The following VWA5A variants were observed in gnomAD, a reference collection of about 807,000 sequenced individuals.
VWA5A encodes von Willebrand factor A domain-containing protein 5A.
A neutral mutation model predicts 84.6 loss-of-function variants in VWA5A; 77 were observed. The observed-to-expected ratio is 0.91, with a 90% confidence interval of 0.76 to 1.10. The LOEUF is 1.10. Among genes scored for constraint, VWA5A ranks in the 50% least tolerant of loss-of-function variants. VWA5A has a pLI of 0.00. For missense variants in VWA5A, 973 were observed against 963.0 expected (o/e 1.01, Z -0.14); for synonymous variants, 334 against 350.1 (o/e 0.95, Z 0.51).
intron 11 of VWA5A, chr11:124,124,833 A>G (rs1464306250): frequency 2.6e-5 from 4 of 152,654 alleles, no homozygotes; most frequent in African/African-American, 9.6e-5. Context: ...TAAGTTATAC[A>G]GTATGCTTTT....
rs972400254 is a variant in VWA5A at position 124,146,010 on chromosome 11, G to T, written c.*65G>T. 2.4e-5 allele frequency: 36 copies of T among 1,498,998 alleles called. No individual in the cohort carries two copies. The highest frequency in any genetic ancestry group is 3.2e-5 in the Non-Finnish European group (35 of 1,100,016). 92.9% of individuals were successfully genotyped at this position (1,498,998 alleles called of 1,614,324 possible). On this transcript the variant is annotated 3_prime_UTR_variant, in exon 19 of 19. Transcript: ENST00000456829. ...TGTCATTTCCTCTAGTATCACTTTT[G>T]CTGTGATGATGTGTTCTTGTGTATT...
At chr11:124,119,228 T>C in intron 7 of VWA5A, 139 bp downstream of exon 7, 1 of 787,674 alleles carries the variant, frequency 1.3e-6, no homozygotes. Context: ...TTACACTATG[T>C]CATGCAAAAA....
At chr11:124,141,852 C>T (rs1860734169) in intron 16 of VWA5A, 111 bp downstream of exon 16, 18 of 1,391,338 alleles carry the variant, frequency 1.3e-5, no homozygotes, top group Middle Eastern at 4.8e-4. Context: ...GCATGTTTCT[C>T]GAAGGGACCC....
chr11:124,146,786 G>A lies in VWA5A; in HGVS notation c.*841G>A, dbSNP rs4936894. On this transcript the variant is annotated 3_prime_UTR_variant, in exon 19 of 19. Transcript: ENST00000456829. ...CGCATTAGGAAGAAAGGAGCTCCCC[G>A]TAATCGTTCCTGACCCTTGTGTCTC... 28,585 of 152,364 alleles carry A rather than the reference G, an allele frequency of 0.19. 3,265 individuals carry two copies. Among genetic ancestry groups the A allele is most frequent in the East Asian group, 0.46 (2,388 of 5,152 alleles). 9.4% of individuals were successfully genotyped at this position (152,364 alleles called of 1,614,324 possible).
intron 7 of VWA5A, among the ~76,000 whole-genome samples, chr11:124,120,124 A>G (rs961520095): frequency 6.6e-6 from 1 of 152,096 alleles, no homozygotes; most frequent in African/African-American, 2.4e-5. Context: ...TCATCTCCAA[A>G]ACTTTTTTGT....
intron 15 of VWA5A, among the ~76,000 whole-genome samples, chr11:124,138,178 G>A (rs116836906): frequency 0.024 from 3,716 of 152,250 alleles, 159 homozygotes; most frequent in African/African-American, 0.085. Context: ...GTTACATTGT[G>A]TATATATAGT....
At chr11:124,120,772 C>T (rs1236490442) in intron 7 of VWA5A, among the ~76,000 whole-genome samples, 14 of 152,178 alleles carry the variant, frequency 9.2e-5, no homozygotes, top group Non-Finnish European at 1.9e-4. Context: ...ATGAAATATT[C>T]CCATAACAGT....
At chr11:124,136,362 A>G in intron 13 of VWA5A, 69 bp downstream of exon 13, 11 of 1,562,458 alleles carry the variant, frequency 7.0e-6, no homozygotes, top group Non-Finnish European at 9.6e-6. Flanking sequence ...TAAAGCTGGT[A>G]GGTGGATTTC....
At chr11:124,137,649 T>C (rs760562500) in intron 15 of VWA5A, among the ~76,000 whole-genome samples, 1 of 152,238 alleles carries the variant, frequency 6.6e-6, no homozygotes, top group Non-Finnish European at 1.5e-5. Flanking sequence ...CACAGAGTTG[T>C]GCAACCATTG....
Position 124,117,538 on chromosome 11 carries a change from C to T in VWA5A, c.27C>T (p.Thr9=). 6.2e-7 allele frequency: 1 copy of T among 1,614,180 alleles called. No homozygotes were observed. The highest frequency in any genetic ancestry group is 8.5e-7 in the Non-Finnish European group (1 of 1,180,032). Residue 9 remains threonine (T), a synonymous_variant, in exon 3 of 19, where the codon ACC becomes ACT. Transcript: ENST00000456829. MVHFCGLL[T]LHREPVPLKS... Reference sequence around the variant, plus strand: ...TGGTGCACTTCTGTGGCCTACTCACCCTCCACCGGGAGCCAGGTAAGCCTA... The same window carrying T: ...TGGTGCACTTCTGTGGCCTACTCACTCTCCACCGGGAGCCAGGTAAGCCTA...
chr11:124,119,647 G>A (rs914745336), intron 7 of VWA5A, among the ~76,000 whole-genome samples: 1 of 152,114 alleles, frequency 6.6e-6, no homozygotes, highest in Admixed American at 6.5e-5. Context: ...ATAATATCGA[G>A]TATTAGTAAG....
intron 17 of VWA5A, 148 bp from the exon 18 acceptor site, chr11:124,145,089 C>T: frequency 1.1e-6 from 1 of 940,056 alleles, no homozygotes; most frequent in Non-Finnish European, 1.5e-6. Flanking sequence ...TGGCATTATG[C>T]CTTGCAAGTA....
At chr11:124,121,828 T>C (rs1043376589) in intron 7 of VWA5A, among the ~76,000 whole-genome samples, 2 of 152,232 alleles carry the variant, frequency 1.3e-5, no homozygotes, top group African/African-American at 4.8e-5. Flanking sequence ...CCCCATATCA[T>C]ACTCATGCCA....
At chr11:124,141,460 T>A in intron 15 of VWA5A, 138 bp from the exon 16 acceptor site, 1 of 1,048,646 alleles carries the variant, frequency 9.5e-7, no homozygotes, top group Admixed American at 2.5e-5. Flanking sequence ...GAGGTGGGCA[T>A]ATGAGAGAAA....
chr11:124,120,410 A>G (rs943916390), intron 7 of VWA5A, among the ~76,000 whole-genome samples: 1 of 152,200 alleles, frequency 6.6e-6, no homozygotes, highest in Non-Finnish European at 1.5e-5. Flanking sequence ...GGTGACAATC[A>G]TATTCAAAGT....
Position 124,130,837 on chromosome 11 carries a change from C to T in VWA5A, c.1245-4083C>T, listed in dbSNP as rs374255830. ...AATAAAAATCAATATTTGAGTGTTA[C>T]GTCTGTTCCTTACTATTGGGCTGTT... On this transcript the variant is annotated intron_variant, in intron 11 of 18. Transcript: ENST00000456829. Among the ~76,000 whole-genome samples the T allele has an allele frequency of 2.4e-4, 37 of 152,168 alleles. No individual in the cohort carries two copies. In the East Asian group the frequency reaches 4.8e-3, roughly 20 times the overall value.
intron 11 of VWA5A, among the ~76,000 whole-genome samples, chr11:124,129,929 G>C (rs1865073447): frequency 6.6e-6 from 1 of 152,084 alleles, no homozygotes; most frequent in Non-Finnish European, 1.5e-5. Context: ...CAAAAAGCCA[G>C]CTCCTGGATT....
intron 17 of VWA5A, 27 bp from the exon 18 acceptor site, chr11:124,145,210 A>T: frequency 6.3e-7 from 1 of 1,593,188 alleles, no homozygotes; most frequent in Non-Finnish European, 8.5e-7. Flanking sequence ...TTCCTGTGCC[A>T]ACTGGAGCTC....
intron 11 of VWA5A, 90 bp downstream of exon 11, chr11:124,124,406 C>T: frequency 6.7e-7 from 1 of 1,495,440 alleles, no homozygotes; most frequent in South Asian, 1.4e-5. Flanking sequence ...GACCTTCCTT[C>T]AAGAGGACCA....
Sources: allele counts gnomAD v4.1 joint callset (sites outside exome capture counted in the v4.1 genomes callset), GRCh38; gene constraint gnomAD v4.1.1; transcripts MANE v1.5; gene names NCBI Gene and HGNC (gene_info 2026-07-23, HGNC 2026-07-21).